FANCA: variants seen among roughly 807,000 people sequenced by gnomAD.
The protein encoded by FANCA is FA complementation group A.
Under a neutral mutation model 194.3 loss-of-function variants are expected in FANCA, and 236 were observed. The observed-to-expected ratio is 1.21, with a 90% CI of 1.09 to 1.35. The LOEUF is 1.35. Among genes scored for constraint, FANCA ranks in the 40% most tolerant of loss-of-function variants. The pLI, the probability that FANCA is intolerant of heterozygous loss-of-function variation, is 0.00. For missense variants in FANCA, 2,628 were observed against 1,813.9 expected (o/e 1.45, Z -8.15); for synonymous variants, 1,014 against 715.8 (o/e 1.42, Z -6.65).
chr16:89,759,553 G>C (rs1479978040), intron 29 of FANCA, among the ~76,000 whole-genome samples: 2 of 151,948 alleles, frequency 1.3e-5, no homozygotes, highest in East Asian at 1.9e-4. Context: ...TTGAGCCCAG[G>C]AGTCTGACAT....
At chr16:89,759,148 G>A (rs1007642157) in intron 29 of FANCA, among the ~76,000 whole-genome samples, 4 of 151,108 alleles carry the variant, frequency 2.6e-5, no homozygotes, top group Admixed American at 6.6e-5. Context: ...GTGAAACCTC[G>A]TCTCTACTCA....
At position 89,742,809 on chromosome 16, in the gene FANCA, C is replaced by T. The variant is rs1338462067; in HGVS notation, c.3756G>A (p.Glu1252=). The stretch of plus-strand genomic sequence containing the variant: ...GAATTTCCTATCTTGCCTCCTCTCT[C>T]TCGCAGTCCAGCTTCTTTAGCTGCT... ...IRKQLKKLDC[E]REELLVFLFF... The change falls in exon 37 of 43, where the codon GAG becomes GAA. Residue 1252 remains glutamate (E), a synonymous_variant. Transcript: ENST00000389301. The T allele has an allele frequency of 1.2e-6, 2 of 1,614,064 alleles. No homozygotes were observed. Among genetic ancestry groups the T allele is most frequent in the African/African-American group, 2.7e-5 (2 of 74,934 alleles).
At chr16:89,791,725 G>T in intron 13 of FANCA, 189 bp from the exon 14 acceptor site, 2 of 962,162 alleles carry the variant, frequency 2.1e-6, no homozygotes, top group Non-Finnish European at 3.2e-6. Flanking sequence ...AAGCAGCAGT[G>T]GACACTCTGG....
chr16:89,770,146 C>A lies in FANCA; in HGVS notation c.2316+20G>T. ...TCAGAGTGGGCCCCCAAGGGTGGCC[C>A]CCATGAAGGAGAGCCTCACCTGGTG... On this transcript the variant is annotated intron_variant, in intron 25 of 42. Transcript: ENST00000389301. 6.3e-7 allele frequency: 1 copy of A among 1,577,032 alleles called. No homozygotes were observed. Among genetic ancestry groups the A allele is most frequent in the East Asian group, 2.3e-5 (1 of 43,364 alleles).
At chr16:89,813,773 C>A (rs559562849) in intron 3 of FANCA, among the ~76,000 whole-genome samples, 2 of 149,640 alleles carry the variant, frequency 1.3e-5, no homozygotes, top group African/African-American at 2.5e-5. Flanking sequence ...AATGTGTCTC[C>A]ATAGGAAAGT....
rs551459192 is a variant in FANCA, at chr16:89,803,168, C to T, written c.792+91G>A. On this transcript the variant is annotated intron_variant, in intron 8 of 42. Transcript: ENST00000389301. ...ACCCCGTAAATAGGTACAAACAGCACGTTTCAATAGAGAGACACGTAAATA... is the reference window on the plus strand; with the variant it reads ...ACCCCGTAAATAGGTACAAACAGCATGTTTCAATAGAGAGACACGTAAATA... 5.3e-5 allele frequency: 65 copies of T among 1,222,486 alleles called. No homozygotes were observed. The East Asian group carries it at 1.1e-3, about 21-fold the overall frequency. 75.7% of individuals were successfully genotyped at this position (1,222,486 alleles called of 1,614,324 possible). A position where few individuals can be genotyped will look rare whatever the true frequency, so the allele number is the denominator to read the frequency against.
intron 9 of FANCA, 101 bp downstream of exon 9, chr16:89,799,504 A>G: frequency 8.3e-7 from 1 of 1,207,216 alleles, no homozygotes; most frequent in Non-Finnish European, 1.2e-6. Context: ...AGTGAAACAT[A>G]CAGAGGAGAA....
intron 26 of FANCA, 132 bp downstream of exon 26, chr16:89,769,705 T>TACCA (rs1352000724): frequency 1.0e-6 from 1 of 999,696 alleles, no homozygotes; most frequent in Non-Finnish European, 1.5e-6. Context: ...GAAGGATATA[T>TACCA]ACCAAAATGC....
intron 27 of FANCA, among the ~76,000 whole-genome samples, chr16:89,765,479 T>C (rs2039096031): frequency 6.6e-6 from 1 of 152,278 alleles, no homozygotes; most frequent in Admixed American, 6.5e-5. Context: ...TGTGCAGACC[T>C]TCCTGCCATC....
At chr16:89,807,178 G>GTTTTTT (rs1372752404) in intron 6 of FANCA, among the ~76,000 whole-genome samples, 1 of 147,828 alleles carries the variant, frequency 6.8e-6, no homozygotes, top group African/African-American at 2.6e-5. Context: ...TAGGAAGCAG[G>GTTTTTT]TTTTTCTTTT....
At chr16:89,781,721 C>T (rs1002198223) in intron 17 of FANCA, among the ~76,000 whole-genome samples, 4 of 139,866 alleles carry the variant, frequency 2.9e-5, no homozygotes, top group Admixed American at 7.3e-5. Context: ...TTCATTAGGC[C>T]GGCCATGGTG....
In FANCA at chr16:89,784,949, T is replaced by A; in HGVS notation, c.1375A>T (p.Thr459Ser). The A allele has an allele frequency of 6.2e-7, 1 of 1,613,930 alleles. No homozygotes were observed. Among genetic ancestry groups the A allele is most frequent in the Non-Finnish European group, 8.5e-7 (1 of 1,179,894 alleles). Reference protein sequence around the residue: ...ADWFKASFGSTRGYHGCSKKA... With the variant: ...ADWFKASFGSSRGYHGCSKKA... ...TTGCTGCAGCCATGGTAGCCTCGTG[T>A]GCTCCCAAAGGAGGCCTGTGTGGAG... The change falls in exon 15 of 43, where the codon ACA becomes TCA. Residue 459 changes from threonine (T) to serine (S), a missense_variant. Coordinates refer to ENST00000389301, the MANE Select transcript of FANCA (RefSeq NM_000135.4).
At chr16:89,797,309 C>T (rs556750338) in intron 10 of FANCA, among the ~76,000 whole-genome samples, 5 of 152,062 alleles carry the variant, frequency 3.3e-5, no homozygotes, top group African/African-American at 7.2e-5. Flanking sequence ...CCAGCCTGGG[C>T]GACACAGTGA....
At chr16:89,813,296 T>C (rs542114576) in intron 3 of FANCA, among the ~76,000 whole-genome samples, 1 of 151,480 alleles carries the variant, frequency 6.6e-6, no homozygotes, top group Non-Finnish European at 1.5e-5. Context: ...TAGTCCCAGC[T>C]ACTCAAGATG....
intron 28 of FANCA, among the ~76,000 whole-genome samples, chr16:89,762,357 G>A (rs1223905161): frequency 6.6e-6 from 1 of 152,036 alleles, no homozygotes; most frequent in Middle Eastern, 3.2e-3. Context: ...ACTTTGGGAG[G>A]CTGAGGCCAG....
At chr16:89,739,321 C>T in intron 40 of FANCA, 32 bp from the exon 41 acceptor site, 1 of 1,613,832 alleles carries the variant, frequency 6.2e-7, no homozygotes. Context: ...CAAATGGCTA[C>T]AGACTGCTGG....
At chr16:89,788,297 C>A (rs1162418558) in intron 14 of FANCA, among the ~76,000 whole-genome samples, 1 of 151,972 alleles carries the variant, frequency 6.6e-6, no homozygotes, top group Non-Finnish European at 1.5e-5. Context: ...CCCATCTCTA[C>A]CAAAATTACA....
rs397693835 is a variant in FANCA, at chr16:89,778,627, TAAAAAAAAA to T, written c.1826+165_1826+173del. 1.0e-3 allele frequency among the ~76,000 whole-genome samples: 31 copies of T among 29,930 alleles called. No homozygotes were observed. In the Admixed American group the frequency reaches 0.011, roughly 11 times the overall value. The allele number at this position is 29,930 out of a possible 152,430, so 19.6% of individuals were successfully genotyped here. A position where few individuals can be genotyped will look rare whatever the true frequency, so the allele number is the denominator to read the frequency against. On this transcript the variant is annotated intron_variant, in intron 20 of 42. Transcript: ENST00000389301. ...CTGGGTGACAGAGTGAGACTCCAAC[TAAAAAAAAA>T]AAAAAAAAAAAAAAAAAAAAAGTAA...
At chr16:89,773,089 T>C (rs1003041084) in intron 22 of FANCA, among the ~76,000 whole-genome samples, 182 bp downstream of exon 22, 22 of 152,180 alleles carry the variant, frequency 1.4e-4, no homozygotes, top group African/African-American at 5.3e-4. Flanking sequence ...TCAGTAGGAC[T>C]AGCCTTCCAC....
Sources: gnomAD v4.1 joint callset for allele counts (sites outside exome capture counted in the v4.1 genomes callset) on GRCh38, gnomAD v4.1.1 for gene constraint, MANE v1.5 for transcripts, NCBI Gene and HGNC (gene_info 2026-07-23, HGNC 2026-07-21) for gene names.